Variants in CSMD1 observed in about 807,000 individuals in gnomAD.
CSMD1 encodes the protein CUB and sushi domain-containing protein 1.
CSMD1 carries 213 observed loss-of-function variants against 417.5 expected under a neutral mutation model. That is an observed-to-expected ratio of 0.51 (90% CI 0.46 to 0.57). CSMD1 has a LOEUF of 0.57. CSMD1 is among the 20% of genes least tolerant of loss of function. The pLI is 0.00. For synonymous variants in CSMD1, 2,862 were observed against 1,736.8 expected (o/e 1.65, Z -16.11); for missense variants, 6,923 against 4,529.7 (o/e 1.53, Z -15.17).
intron 2 of CSMD1, among the ~76,000 whole-genome samples, chr8:4,439,444 A>C (rs986815878): frequency 6.6e-6 from 1 of 151,544 alleles, no homozygotes; most frequent in Non-Finnish European, 1.5e-5. Flanking sequence ...TTTTCATCTA[A>C]CTTTTTCCTA....
chr8:4,326,581 A>AC (rs1364277149), intron 3 of CSMD1, among the ~76,000 whole-genome samples: 3 of 152,218 alleles, frequency 2.0e-5, no homozygotes, highest in Non-Finnish European at 2.9e-5. Flanking sequence ...GCAATTCCAA[A>AC]CTTCTTTTTC....
intron 5 of CSMD1, among the ~76,000 whole-genome samples, chr8:3,992,700 C>G (rs1529322): frequency 0.59 from 89,942 of 152,074 alleles, 26,855 homozygotes; most frequent in East Asian, 0.73. Context: ...AGGATGGCTT[C>G]AGTCCAGGAG....
At chr8:4,947,398 T>C (rs1266901413) in intron 1 of CSMD1, among the ~76,000 whole-genome samples, 1 of 148,086 alleles carries the variant, frequency 6.8e-6, no homozygotes, top group Non-Finnish European at 1.5e-5. Flanking sequence ...AAATAATTAA[T>C]TATGTCTAAG....
At chr8:4,633,684 G>A (rs1282002422) in intron 2 of CSMD1, among the ~76,000 whole-genome samples, 2 of 152,104 alleles carry the variant, frequency 1.3e-5, no homozygotes, top group African/African-American at 2.4e-5. Flanking sequence ...AGCCTCCCGA[G>A]TAGCTGGACT....
At chr8:3,576,855 A>G (rs1027858627) in intron 9 of CSMD1, among the ~76,000 whole-genome samples, 3 of 152,236 alleles carry the variant, frequency 2.0e-5, no homozygotes, top group Non-Finnish European at 4.4e-5. Flanking sequence ...GAAAAAAGTG[A>G]TAATAAACTC....
intron 12 of CSMD1, among the ~76,000 whole-genome samples, chr8:3,424,581 C>T (rs1019151297): frequency 6.6e-6 from 1 of 152,162 alleles, no homozygotes; most frequent in East Asian, 1.9e-4. Flanking sequence ...AACAATATGA[C>T]TTCAAAAATG....
chr8:4,456,764 A>C (rs1208656100), intron 2 of CSMD1, among the ~76,000 whole-genome samples: 1 of 152,106 alleles, frequency 6.6e-6, no homozygotes, highest in Admixed American at 6.5e-5. Context: ...CCTAGGGAGA[A>C]GACCCATCTG....
intron 23 of CSMD1, among the ~76,000 whole-genome samples, chr8:3,341,749 G>C (rs1295721015): frequency 6.6e-6 from 1 of 152,138 alleles, no homozygotes; most frequent in Non-Finnish European, 1.5e-5. Context: ...GGTGTGCATG[G>C]AACTTCCCCG....
intron 5 of CSMD1, among the ~76,000 whole-genome samples, chr8:3,925,076 C>T (rs545835281): frequency 6.6e-6 from 1 of 152,176 alleles, no homozygotes; most frequent in East Asian, 1.9e-4. Flanking sequence ...ATGGCTATGC[C>T]TGCCCCACTT....
intron 3 of CSMD1, among the ~76,000 whole-genome samples, chr8:4,407,026 G>A (rs769610092): frequency 1.1e-4 from 17 of 152,156 alleles, no homozygotes; most frequent in Non-Finnish European, 2.4e-4. Flanking sequence ...CGGGTCCCCT[G>A]TCTTGGTAAA....
At chr8:4,737,274 G>C (rs986127668) in intron 1 of CSMD1, among the ~76,000 whole-genome samples, 2 of 152,076 alleles carry the variant, frequency 1.3e-5, no homozygotes, top group African/African-American at 4.8e-5. Context: ...TTATAAGTGG[G>C]AGCTAACTGA....
At chr8:3,756,209 C>T (rs893895858) in intron 5 of CSMD1, among the ~76,000 whole-genome samples, 6 of 151,764 alleles carry the variant, frequency 4.0e-5, no homozygotes, top group African/African-American at 1.2e-4. Context: ...AAAAATTAGC[C>T]GGGCATGGTG....
chr8:3,973,502 A>T (rs989613579), intron 5 of CSMD1, among the ~76,000 whole-genome samples: 4 of 152,336 alleles, frequency 2.6e-5, no homozygotes, highest in African/African-American at 9.6e-5. Context: ...CATACATCCC[A>T]ACAAATCATT....
rs147414764 is a variant in CSMD1 at position 4,985,198 on chromosome 8, C to T, written c.85+9134G>A. On this transcript the variant is annotated intron_variant, in intron 1 of 69. Transcript: ENST00000635120. ...ACACATAGAAGGGAACAACACACAC[C>T]GGGGCCTGTCAGAGGGTGGTGGGTG... Among the ~76,000 whole-genome samples the T allele has an allele frequency of 9.4e-4, 143 of 152,014 alleles. 4 individuals carry two copies. The East Asian group carries it at 0.023, about 25-fold the overall frequency.
chr8:4,447,036 G>C (rs1422296929), intron 2 of CSMD1, among the ~76,000 whole-genome samples: 4 of 152,058 alleles, frequency 2.6e-5, no homozygotes, highest in Non-Finnish European at 5.9e-5. Flanking sequence ...TTAACAAAAA[G>C]GATCATCAGC....
At chr8:4,370,116 A>G (rs1483793683) in intron 3 of CSMD1, among the ~76,000 whole-genome samples, 2 of 151,650 alleles carry the variant, frequency 1.3e-5, no homozygotes, top group African/African-American at 4.9e-5. Flanking sequence ...TGCCTTTTAG[A>G]TAGTCTGGTA....
chr8:4,693,234 G>A (rs953731130), intron 1 of CSMD1, among the ~76,000 whole-genome samples: 1 of 152,216 alleles, frequency 6.6e-6, no homozygotes. Flanking sequence ...ACGGCCATGA[G>A]CAAGAAATGT....
At chr8:3,768,010 C>T (rs1798378001) in intron 5 of CSMD1, among the ~76,000 whole-genome samples, 1 of 152,098 alleles carries the variant, frequency 6.6e-6, no homozygotes, top group Admixed American at 6.6e-5. Flanking sequence ...TTCCAAACTC[C>T]ATGAATGCAC....
chr8:4,073,646 G>C (rs544366893), intron 3 of CSMD1, among the ~76,000 whole-genome samples: 37 of 152,098 alleles, frequency 2.4e-4, no homozygotes, highest in African/African-American at 7.2e-4. Flanking sequence ...ATTTATTCTG[G>C]GGAATAATTC....
Sources: gnomAD v4.1 joint callset for allele counts (sites outside exome capture counted in the v4.1 genomes callset) on GRCh38, gnomAD v4.1.1 for gene constraint, MANE v1.5 for transcripts, NCBI Gene and HGNC (gene_info 2026-07-23, HGNC 2026-07-21) for gene names.